The following PHACTR4 variants were observed in gnomAD, a reference collection of about 807,000 sequenced individuals.
PHACTR4 encodes phosphatase and actin regulator 4, also known as protein phosphatase 1, regulatory subunit 124.
Under a neutral mutation model 72.7 loss-of-function variants are expected in PHACTR4, and 51 were observed. The ratio of observed to expected loss-of-function variants is 0.70; its 90% CI spans 0.56 to 0.89. PHACTR4 has a LOEUF of 0.89. Among genes scored for constraint, PHACTR4 ranks in the 40% least tolerant of loss-of-function variants. The pLI is 0.00. For synonymous variants in PHACTR4, 255 were observed against 302.5 expected (o/e 0.84, Z 1.63); for missense variants, 731 against 861.8 (o/e 0.85, Z 1.90).
At chr1:28,488,204 C>A (rs966677338) in intron 9 of PHACTR4, among the ~76,000 whole-genome samples, 2 of 152,004 alleles carry the variant, frequency 1.3e-5, no homozygotes, top group African/African-American at 2.4e-5. Flanking sequence ...ATTTAAAAAC[C>A]TAGCTGGGCA....
At chr1:28,487,516 C>T (rs1354919058) in intron 9 of PHACTR4, among the ~76,000 whole-genome samples, 2 of 62,400 alleles carry the variant, frequency 3.2e-5, no homozygotes, top group East Asian at 6.3e-4. Flanking sequence ...CTGACACACA[C>T]ACAAAAAAAA....
rs371428088 is a variant in PHACTR4, at chr1:28,407,520, C to T, written c.16+57C>T. On this transcript the variant is annotated intron_variant, in intron 2 of 13. Coordinates refer to ENST00000373839, the MANE Select transcript of PHACTR4 (RefSeq NM_001048183.3). ...GACATTTCTGTTTTATCCTCACCTC[C>T]ATTAAAGCTTTGAGAGTAAATTGGT... is the stretch of plus-strand genomic sequence containing the variant. The T allele has an allele frequency of 3.4e-4, 500 of 1,479,782 alleles. 1 individual carries two copies. The highest frequency in any genetic ancestry group is 2.4e-3 in the Middle Eastern group (14 of 5,746). The allele number at this position is 1,479,782 out of a possible 1,614,324, so 91.7% of individuals were successfully genotyped here. A position where few individuals can be genotyped will look rare whatever the true frequency, so the allele number is the denominator to read the frequency against.
At chr1:28,416,745 GAT>G (rs1354069092) in intron 2 of PHACTR4, among the ~76,000 whole-genome samples, 5 of 152,208 alleles carry the variant, frequency 3.3e-5, no homozygotes, top group Admixed American at 6.5e-5. Context: ...GACAGACGAT[GAT>G]ATATGTCATA....
intron 2 of PHACTR4, among the ~76,000 whole-genome samples, chr1:28,418,447 C>T (rs1030278462): frequency 6.6e-6 from 1 of 151,954 alleles, no homozygotes; most frequent in Non-Finnish European, 1.5e-5. Flanking sequence ...CGCCACTGCA[C>T]TCTGGACTGG....
At chr1:28,434,518 C>T (rs1656504429) in intron 2 of PHACTR4, among the ~76,000 whole-genome samples, 1 of 151,962 alleles carries the variant, frequency 6.6e-6, no homozygotes, top group Admixed American at 6.6e-5. Flanking sequence ...GACGGGATTT[C>T]ACCATGTTGG....
intron 5 of PHACTR4, among the ~76,000 whole-genome samples, chr1:28,466,140 C>T (rs1659150073): frequency 6.6e-6 from 1 of 152,158 alleles, no homozygotes; most frequent in Non-Finnish European, 1.5e-5. Flanking sequence ...TTTGTTGTGG[C>T]TCTCCTCCAG....
chr1:28,443,439 A>T (rs941861150), intron 2 of PHACTR4, among the ~76,000 whole-genome samples: 1 of 148,478 alleles, frequency 6.7e-6, no homozygotes, highest in Non-Finnish European at 1.5e-5. Context: ...ACACTGTCAT[A>T]CCCAGCTAAT....
chr1:28,425,508 T>G (rs1489776305), intron 2 of PHACTR4, among the ~76,000 whole-genome samples: 4 of 152,254 alleles, frequency 2.6e-5, no homozygotes, highest in Non-Finnish European at 5.9e-5. Flanking sequence ...GAATTTTTAT[T>G]GAGTCGTAGT....
chr1:28,493,718 C>T (rs566341235), intron 13 of PHACTR4, among the ~76,000 whole-genome samples: 2 of 152,024 alleles, frequency 1.3e-5, no homozygotes. Context: ...AACCAGGATT[C>T]GGAGAAAGAA....
At chr1:28,415,989 C>T (rs1655083161) in intron 2 of PHACTR4, among the ~76,000 whole-genome samples, 1 of 151,942 alleles carries the variant, frequency 6.6e-6, no homozygotes, top group Non-Finnish European at 1.5e-5. Context: ...GAACATTTGC[C>T]AAGGAGCCAA....
chr1:28,456,395 C>T (rs1317217584), intron 2 of PHACTR4, among the ~76,000 whole-genome samples: 1 of 152,206 alleles, frequency 6.6e-6, no homozygotes, highest in Non-Finnish European at 1.5e-5. Flanking sequence ...AATCCACCCC[C>T]ATGATCCAGT....
In PHACTR4 at chr1:28,405,324, AT is replaced by A. The variant is rs764511807; in HGVS notation, c.-38-2079del. 2.6e-5 allele frequency among the ~76,000 whole-genome samples: 4 copies of A among 151,524 alleles called. No homozygotes were observed. The South Asian group carries it at 6.3e-4, about 24-fold the overall frequency. On this transcript the variant is annotated intron_variant, in intron 1 of 13. Transcript: ENST00000373839. ...TGTCCTTTGAAGCACAAAACTTTAA[AT>A]TTTTTTCTTTTTCTTTTTTGAGACC...
intron 2 of PHACTR4, among the ~76,000 whole-genome samples, chr1:28,426,851 G>A (rs1201590284): frequency 1.3e-5 from 2 of 151,970 alleles, no homozygotes; most frequent in Admixed American, 6.6e-5. Flanking sequence ...GCACCTGGCC[G>A]TGGAAGAATT....
In PHACTR4 at chr1:28,498,281, C is replaced by G. The variant is rs1661480205; in HGVS notation, c.*1732C>G. Reference sequence around the variant, plus strand: ...GCAAGAAGGGCACAATCATGGCCCACTGCTCCCCTCTTCTTCTCAGTGCTC... The same window carrying G: ...GCAAGAAGGGCACAATCATGGCCCAGTGCTCCCCTCTTCTTCTCAGTGCTC... On this transcript the variant is annotated 3_prime_UTR_variant, in exon 14 of 14. Transcript: ENST00000373839. 6.6e-6 allele frequency: 1 copy of G among 152,424 alleles called. No individual in the cohort carries two copies. Among genetic ancestry groups the G allele is most frequent in the African/African-American group, 2.4e-5 (1 of 41,434 alleles). The allele number at this position is 152,424 out of a possible 1,614,324, so 9.4% of individuals were successfully genotyped here. A position where few individuals can be genotyped will look rare whatever the true frequency, so the allele number is the denominator to read the frequency against.
intron 2 of PHACTR4, chr1:28,438,480 G>A: frequency 6.3e-7 from 1 of 1,594,220 alleles, no homozygotes; most frequent in Non-Finnish European, 8.6e-7. Context: ...AAGCAAGGCA[G>A]ATTTACAGGT....
rs1156959171 is a variant in PHACTR4 at position 28,385,639 on chromosome 1, C to CGG, written c.-39+15815_-39+15816dup. Reference sequence around the variant, plus strand: ...ATTTTTTTTTTTTTTTTTTTGGAGACGGAGCCTCATTCTGTTGCCCAGGCT... The same window carrying CGG: ...ATTTTTTTTTTTTTTTTTTTGGAGACGGGGAGCCTCATTCTGTTGCCCAGGCT... On this transcript the variant is annotated intron_variant, in intron 1 of 13. Transcript: ENST00000373839. Among the ~76,000 whole-genome samples the CGG allele has an allele frequency of 1.6e-4, 21 of 127,706 alleles. No homozygotes were observed. The East Asian group carries it at 2.7e-3, about 17-fold the overall frequency. The allele number at this position is 127,706 out of a possible 152,430, so 83.8% of individuals were successfully genotyped here.
At chr1:28,380,713 A>G (rs1436168070) in intron 1 of PHACTR4, among the ~76,000 whole-genome samples, 1 of 152,140 alleles carries the variant, frequency 6.6e-6, no homozygotes, top group Non-Finnish European at 1.5e-5. Context: ...CATGGTGTAT[A>G]CATACCACCT....
chr1:28,382,390 G>A (rs1485205695), intron 1 of PHACTR4, among the ~76,000 whole-genome samples: 1 of 151,572 alleles, frequency 6.6e-6, no homozygotes, highest in African/African-American at 2.4e-5. Flanking sequence ...TGCAAGCTCC[G>A]GCTCCTGAGT....
chr1:28,391,811 T>C (rs1317951672), intron 1 of PHACTR4, among the ~76,000 whole-genome samples: 2 of 151,914 alleles, frequency 1.3e-5, no homozygotes, highest in African/African-American at 2.4e-5. Context: ...TTCTCCATGT[T>C]GGTCAGGCTG....
Sources: gnomAD v4.1 joint callset for allele counts (sites outside exome capture counted in the v4.1 genomes callset) on GRCh38, gnomAD v4.1.1 for gene constraint, MANE v1.5 for transcripts, NCBI Gene and HGNC (gene_info 2026-07-23, HGNC 2026-07-21) for gene names.